Variants in GALNTL6 observed in about 807,000 individuals in gnomAD.
GALNTL6 encodes polypeptide N-acetylgalactosaminyltransferase-like 6.
Under a neutral mutation model 73.7 loss-of-function variants are expected in GALNTL6, and 46 were observed. The ratio of observed to expected loss-of-function variants is 0.62; its 90% CI spans 0.49 to 0.80. The LOEUF (loss-of-function observed/expected upper bound fraction) is 0.80, where lower values mean the gene tolerates loss of function less well. Among genes scored for constraint, GALNTL6 ranks in the 30% least tolerant of loss-of-function variants. The probability of loss-of-function intolerance (pLI) is 0.00; values close to 1 mark genes in which losing one functional copy is unlikely to be tolerated. For missense variants in GALNTL6, 604 were observed against 755.0 expected (o/e 0.80, Z 2.34); for synonymous variants, 259 against 263.7 (o/e 0.98, Z 0.17).
At chr4:172,875,537 G>A (rs1745150108) in intron 7 of GALNTL6, among the ~76,000 whole-genome samples, 1 of 152,212 alleles carries the variant, frequency 6.6e-6, no homozygotes, top group African/African-American at 2.4e-5. Flanking sequence ...TTCTTCAAAG[G>A]AGACAAGATG....
intron 2 of GALNTL6, among the ~76,000 whole-genome samples, chr4:171,904,516 G>C (rs1737211322): frequency 6.6e-6 from 1 of 152,220 alleles, no homozygotes; most frequent in South Asian, 2.1e-4. Flanking sequence ...ATCTGCGTCT[G>C]ATTGGTGTAC....
At chr4:172,392,413 T>C (rs907887636) in intron 5 of GALNTL6, among the ~76,000 whole-genome samples, 3 of 152,126 alleles carry the variant, frequency 2.0e-5, no homozygotes, top group Admixed American at 6.6e-5. Context: ...TCAATTTCTC[T>C]TTGACAAGTA....
chr4:172,711,056 G>A lies in GALNTL6; in HGVS notation c.554-98305G>A, dbSNP rs149715997. Among the ~76,000 whole-genome samples, 217 of 152,248 alleles carry A rather than the reference G, an allele frequency of 1.4e-3. 1 individual carries two copies. The highest frequency in any genetic ancestry group is 5.1e-3 in the African/African-American group (210 of 41,544). The stretch of plus-strand genomic sequence containing the variant: ...GCAAGACCCTTCTTAATAAACAAAT[G>A]TGTAATATAAAAGAATTTTGGGAAG... On this transcript the variant is annotated intron_variant, in intron 5 of 12. Transcript: ENST00000506823.
At chr4:172,301,603 G>A (rs887453962) in intron 3 of GALNTL6, among the ~76,000 whole-genome samples, 1 of 152,170 alleles carries the variant, frequency 6.6e-6, no homozygotes, top group Non-Finnish European at 1.5e-5. Flanking sequence ...ACCCTCAGCT[G>A]CAGGTCTGTT....
chr4:172,591,586 A>T (rs1737638426), intron 5 of GALNTL6, among the ~76,000 whole-genome samples: 1 of 152,156 alleles, frequency 6.6e-6, no homozygotes, highest in South Asian at 2.1e-4. Context: ...TCCAAAATGG[A>T]TAATGGTTAA....
At chr4:171,952,230 A>G (rs946203443) in intron 2 of GALNTL6, among the ~76,000 whole-genome samples, 1 of 152,024 alleles carries the variant, frequency 6.6e-6, no homozygotes, top group African/African-American at 2.4e-5. Context: ...ATGGAAGTAT[A>G]TCACTGATTA....
rs1188209132 is a variant in GALNTL6 at position 172,231,981 on chromosome 4, A to G, written c.247+2217A>G. 3.9e-5 allele frequency among the ~76,000 whole-genome samples: 6 copies of G among 152,274 alleles called. No individual in the cohort carries two copies. The East Asian group carries it at 1.2e-3, about 29-fold the overall frequency. The stretch of plus-strand genomic sequence containing the variant: ...GTTTTTAAGTACAAATTCTTTGTGT[A>G]ATTGAAAAGCTTTTACATGGTAGAA... On this transcript the variant is annotated intron_variant, in intron 3 of 12. Coordinates refer to ENST00000506823, the MANE Select transcript of GALNTL6 (RefSeq NM_001034845.3).
At position 172,049,205 on chromosome 4, in the gene GALNTL6, A is replaced by G. The variant is rs570627598; in HGVS notation, c.139-180451A>G. On this transcript the variant is annotated intron_variant, in intron 2 of 12. Coordinates refer to ENST00000506823, the MANE Select transcript of GALNTL6 (RefSeq NM_001034845.3). ...TCTTTGTGGGTCTAGTTTGATTTGT[A>G]AAATACTGAGACTTCATGAAATAAA... 1.3e-4 allele frequency among the ~76,000 whole-genome samples: 19 copies of G among 151,508 alleles called. No individual in the cohort carries two copies. In the South Asian group the frequency reaches 3.7e-3, roughly 30 times the overall value.
intron 2 of GALNTL6, among the ~76,000 whole-genome samples, chr4:172,075,041 CAATT>C (rs762308727): frequency 2.0e-4 from 31 of 152,238 alleles, no homozygotes; most frequent in Admixed American, 1.2e-3. Context: ...CTTTCACTAT[CAATT>C]ATTACAAGAA....
intron 7 of GALNTL6, among the ~76,000 whole-genome samples, chr4:172,821,971 G>T (rs552657173): frequency 6.6e-6 from 1 of 152,092 alleles, no homozygotes; most frequent in African/African-American, 2.4e-5. Context: ...AGTCTCCAGG[G>T]AAATCACATC....
rs560717424 is a variant in GALNTL6 at position 172,726,351 on chromosome 4, G to C, written c.554-83010G>C. On this transcript the variant is annotated intron_variant, in intron 5 of 12. Coordinates refer to ENST00000506823, the MANE Select transcript of GALNTL6 (RefSeq NM_001034845.3). ...GAGTAGGAGGCAGTAAAGTACCCGC[G>C]GTAGGACAAAGGTCAGTCTTAAGCC... 6.6e-5 allele frequency among the ~76,000 whole-genome samples: 10 copies of C among 152,226 alleles called. No homozygotes were observed. In the East Asian group the frequency reaches 1.4e-3, roughly 21 times the overall value.
intron 5 of GALNTL6, among the ~76,000 whole-genome samples, chr4:172,525,038 CT>C (rs1348741053): frequency 6.6e-6 from 1 of 152,174 alleles, no homozygotes; most frequent in East Asian, 1.9e-4. Context: ...GCTTAAAAGC[CT>C]ATTAATTCCT....
chr4:172,711,138 T>C (rs1734677854), intron 5 of GALNTL6, among the ~76,000 whole-genome samples: 1 of 152,202 alleles, frequency 6.6e-6, no homozygotes, highest in Non-Finnish European at 1.5e-5. Flanking sequence ...GTAGGAGGAA[T>C]GTGACTGAAT....
At chr4:172,736,110 C>T (rs1024039231) in intron 5 of GALNTL6, among the ~76,000 whole-genome samples, 2 of 152,184 alleles carry the variant, frequency 1.3e-5, no homozygotes, top group African/African-American at 4.8e-5. Flanking sequence ...GCTGGGCACA[C>T]ATTGTCATTG....
intron 5 of GALNTL6, among the ~76,000 whole-genome samples, chr4:172,498,400 A>T (rs1195611969): frequency 5.9e-5 from 9 of 152,144 alleles, no homozygotes; most frequent in Admixed American, 2.0e-4. Flanking sequence ...CATTTAAAAA[A>T]ATTTTATACT....
At chr4:171,898,482 A>T (rs1429389996) in intron 2 of GALNTL6, among the ~76,000 whole-genome samples, 2 of 152,110 alleles carry the variant, frequency 1.3e-5, no homozygotes, top group Non-Finnish European at 2.9e-5. Context: ...TGATAAATAA[A>T]TTTTTATATT....
chr4:172,659,677 T>C (rs1024167357), intron 5 of GALNTL6, among the ~76,000 whole-genome samples: 3 of 152,210 alleles, frequency 2.0e-5, no homozygotes, highest in African/African-American at 7.2e-5. Context: ...CCAGCACTAA[T>C]CTAAGATGTT....
At chr4:172,388,075 GT>G (rs527575303) in intron 5 of GALNTL6, among the ~76,000 whole-genome samples, 209 of 152,208 alleles carry the variant, frequency 1.4e-3, no homozygotes, top group Non-Finnish European at 1.6e-3. Context: ...GATGTGCTCT[GT>G]TTTTTACTTC....
At chr4:172,516,654 CTGAG>C (rs1352599528) in intron 5 of GALNTL6, among the ~76,000 whole-genome samples, 1 of 151,994 alleles carries the variant, frequency 6.6e-6, no homozygotes, top group Admixed American at 6.6e-5. Context: ...AAATTAATTA[CTGAG>C]TGACTAGCAA....
Sources: allele counts gnomAD v4.1 joint callset (sites outside exome capture counted in the v4.1 genomes callset), GRCh38; gene constraint gnomAD v4.1.1; transcripts MANE v1.5; gene names NCBI Gene and HGNC (gene_info 2026-07-23, HGNC 2026-07-21).